The following EIF2B3 variants were observed in gnomAD, a reference collection of about 807,000 sequenced individuals.
EIF2B3 encodes eukaryotic translation initiation factor 2B subunit gamma.
A neutral mutation model predicts 54.1 loss-of-function variants in EIF2B3; 20 were observed. The observed-to-expected ratio is 0.37, with a 90% CI of 0.26 to 0.54. EIF2B3 has a LOEUF of 0.54. Among genes scored for constraint, EIF2B3 ranks in the 20% least tolerant of loss-of-function variants. The pLI, the probability that EIF2B3 is intolerant of heterozygous loss-of-function variation, is 0.86. For synonymous variants in EIF2B3, 153 were observed against 188.1 expected, an observed-to-expected ratio of 0.81 and a Z score of 1.52; for missense variants, 448 against 547.8, an observed-to-expected ratio of 0.82 and a Z score of 1.82.
chr1:44,932,130 C>T (rs1178012999), intron 4 of EIF2B3, among the ~76,000 whole-genome samples: 1 of 152,040 alleles, frequency 6.6e-6, no homozygotes, highest in African/African-American at 2.4e-5. Context: ...CACACACACA[C>T]ACACACACAC....
At chr1:44,885,744 T>C (rs1655557260) in intron 6 of EIF2B3, among the ~76,000 whole-genome samples, 2 of 152,202 alleles carry the variant, frequency 1.3e-5, no homozygotes, top group South Asian at 4.1e-4. Context: ...AAACTGTGAC[T>C]GTAAAGAATT....
intron 3 of EIF2B3, among the ~76,000 whole-genome samples, chr1:44,974,836 T>C (rs1417455905): frequency 6.6e-6 from 1 of 152,060 alleles, no homozygotes; most frequent in Non-Finnish European, 1.5e-5. Flanking sequence ...GTACAAGCAA[T>C]AAACAATTGA....
At chr1:44,958,799 A>T (rs1240990042) in intron 3 of EIF2B3, 24 of 1,305,500 alleles carry the variant, frequency 1.8e-5, no homozygotes, top group Non-Finnish European at 2.1e-5. Flanking sequence ...CAGGACTGCG[A>T]CAAGAGATCG....
intron 10 of EIF2B3, among the ~76,000 whole-genome samples, chr1:44,867,192 G>A (rs1258495972): frequency 5.9e-5 from 9 of 152,110 alleles, no homozygotes; most frequent in Non-Finnish European, 8.8e-5. Flanking sequence ...CTAGACTGCT[G>A]CTTGGGTCAT....
At chr1:44,921,188 T>A (rs1450603011) in intron 5 of EIF2B3, among the ~76,000 whole-genome samples, 1 of 152,252 alleles carries the variant, frequency 6.6e-6, no homozygotes, top group Non-Finnish European at 1.5e-5. Flanking sequence ...TTTGTATGAC[T>A]TCTTTTGAGA....
intron 6 of EIF2B3, among the ~76,000 whole-genome samples, chr1:44,892,407 C>T (rs912114365): frequency 2.4e-4 from 37 of 151,830 alleles, no homozygotes; most frequent in Non-Finnish European, 4.3e-4. Context: ...TATTGAGACC[C>T]CATCTCTACA....
At chr1:44,884,112 T>TG (rs1209714272) in intron 6 of EIF2B3, among the ~76,000 whole-genome samples, 1 of 152,210 alleles carries the variant, frequency 6.6e-6, no homozygotes, top group Non-Finnish European at 1.5e-5. Context: ...GTGCCGGGAT[T>TG]ACAGGTGTGA....
In EIF2B3 at chr1:44,881,404, T is replaced by C. The variant is rs527892171; in HGVS notation, c.784+208A>G. On this transcript the variant is annotated intron_variant, in intron 7 of 11. Coordinates refer to ENST00000360403, the MANE Select transcript of EIF2B3 (RefSeq NM_020365.5). This position sits in a 1 kb window ranked among gnomAD's most constrained non-coding sequence, Gnocchi z 4.0. ...TCAGAGAATGGGGCTGGAGGCATGA[T>C]TAGCCTGTTGCCGAGAGCACAGTGG... 1.3e-5 allele frequency among the ~76,000 whole-genome samples: 2 copies of C among 152,308 alleles called. No individual in the cohort carries two copies. The highest frequency in any genetic ancestry group is 4.1e-4 in the South Asian group (2 of 4,826).
intron 10 of EIF2B3, among the ~76,000 whole-genome samples, chr1:44,872,678 A>G (rs1244614139): frequency 1.3e-5 from 2 of 151,812 alleles, no homozygotes; most frequent in African/African-American, 4.8e-5. Context: ...ACTACCCCCA[A>G]AACCACTCCT....
At chr1:44,870,574 G>GTTTCT (rs1654934069) in intron 10 of EIF2B3, among the ~76,000 whole-genome samples, 1 of 151,426 alleles carries the variant, frequency 6.6e-6, no homozygotes. Context: ...GTTTTGTTTG[G>GTTTCT]TTTCTTTTCT....
chr1:44,951,980 T>TTTTTTTTTTTTTTTTTTTTTTTTTGTGGG, intron 3 of EIF2B3, among the ~76,000 whole-genome samples: 1 of 84,820 alleles, frequency 1.2e-5, no homozygotes, highest in South Asian at 3.7e-4. Context: ...TTTTTTTTTT[T>TTTTTTTTTTTTTTTTTTTTTTTTTGTGGG]GAGACGGAGT....
intron 3 of EIF2B3, among the ~76,000 whole-genome samples, chr1:44,956,542 TAGTAAAAGATAGATGAAGCAGATAA>T (rs1644228163): frequency 6.6e-6 from 1 of 151,890 alleles, no homozygotes. Flanking sequence ...ACACTACTAT[TAGTAAAAGATAGATGAAGCAGATAA>T]AAAATAAAAA....
intron 1 of EIF2B3, 133 bp from the exon 2 acceptor site, chr1:44,981,310 A>G: frequency 1.1e-6 from 1 of 911,828 alleles, no homozygotes; most frequent in East Asian, 2.4e-5. Flanking sequence ...AACTCTAGCA[A>G]TCACAGTAAG....
chr1:44,890,882 A>G (rs1655774279), intron 6 of EIF2B3, among the ~76,000 whole-genome samples: 1 of 152,004 alleles, frequency 6.6e-6, no homozygotes, highest in Admixed American at 6.6e-5. Context: ...TCCACTCCTC[A>G]CATATAATCA....
intron 3 of EIF2B3, among the ~76,000 whole-genome samples, chr1:44,962,369 A>C (rs1340997368): frequency 6.6e-6 from 1 of 152,208 alleles, no homozygotes; most frequent in Non-Finnish European, 1.5e-5. Context: ...CAGTTCTTCT[A>C]ATCTACAGTC....
chr1:44,969,256 A>G (rs937740342), intron 3 of EIF2B3, among the ~76,000 whole-genome samples: 11 of 152,192 alleles, frequency 7.2e-5, no homozygotes, highest in African/African-American at 2.7e-4. Context: ...ACAGAGAAAC[A>G]CTCATTAAAT....
chr1:44,876,082 A>G (rs1227931326), intron 8 of EIF2B3, among the ~76,000 whole-genome samples: 2 of 152,216 alleles, frequency 1.3e-5, no homozygotes, highest in Non-Finnish European at 2.9e-5. Context: ...TGGTTCACTC[A>G]GTGCTCAATG....
At chr1:44,877,249 T>G (rs942131886) in intron 8 of EIF2B3, among the ~76,000 whole-genome samples, 2 of 120,760 alleles carry the variant, frequency 1.7e-5, no homozygotes, top group African/African-American at 6.5e-5. Flanking sequence ...CAGTGCTCAA[T>G]CAGAGATACA....
chr1:44,944,016 T>C (rs1644068509), intron 3 of EIF2B3, among the ~76,000 whole-genome samples: 1 of 151,960 alleles, frequency 6.6e-6, no homozygotes, highest in Admixed American at 6.6e-5. Context: ...TGGTGGCACA[T>C]GCCTATAGTC....
Sources: gnomAD v4.1 joint callset for allele counts (sites outside exome capture counted in the v4.1 genomes callset) on GRCh38, gnomAD v4.1.1 for gene constraint, Gnocchi (gnomAD v3.1) non-coding constraint, MANE v1.5 for transcripts, NCBI Gene and HGNC (gene_info 2026-07-23, HGNC 2026-07-21) for gene names.